The following DMD variants were observed in gnomAD, a reference collection of about 807,000 sequenced individuals.
The protein encoded by DMD is mutant dystrophin.
DMD carries 63 observed loss-of-function variants against 330.1 expected under a neutral mutation model. The ratio of observed to expected loss-of-function variants is 0.19; its 90% CI spans 0.16 to 0.24. The LOEUF (loss-of-function observed/expected upper bound fraction) is 0.24. DMD is among the 10% of genes least tolerant of loss of function. DMD has a pLI of 1.00. For missense variants in DMD, 3,344 were observed against 2,684.1 expected (o/e 1.25, Z -5.43); for synonymous variants, 1,223 against 959.8 (o/e 1.27, Z -5.07).
intron 22 of DMD, among the ~76,000 whole-genome samples, chrX:32,469,384 C>T (rs187941088): frequency 9.1e-6 from 1 of 109,356 alleles, no homozygotes; most frequent in Non-Finnish European, 1.9e-5. Context: ...GAAAAAAAAA[C>T]CAGAACTACT....
intron 45 of DMD, among the ~76,000 whole-genome samples, chrX:31,942,409 A>G (rs1243919426): frequency 1.8e-5 from 2 of 112,120 alleles, no homozygotes; most frequent in African/African-American, 6.5e-5. Flanking sequence ...CTTCTCTAAC[A>G]TGGTCAAAAA....
At chrX:32,961,058 A>G (rs760908633) in intron 2 of DMD, among the ~76,000 whole-genome samples, 5 of 111,647 alleles carry the variant, frequency 4.5e-5, no homozygotes, top group African/African-American at 1.6e-4. Context: ...TCTACAGACC[A>G]TGGAAGCATA....
chrX:32,730,128 T>C (rs780613147), intron 7 of DMD, among the ~76,000 whole-genome samples: 61 of 111,542 alleles, frequency 5.5e-4, no homozygotes, highest in Non-Finnish European at 4.0e-4. Flanking sequence ...AGGCCAGGAG[T>C]TTGAGACCAA....
chrX:32,868,994 G>C (rs1331588560), intron 2 of DMD, among the ~76,000 whole-genome samples: 1 of 111,417 alleles, frequency 9.0e-6, no homozygotes. Flanking sequence ...ATACAGGAAG[G>C]TTCCTGCTGG....
chrX:32,829,929 A>G (rs2079029498), intron 4 of DMD, among the ~76,000 whole-genome samples: 1 of 111,911 alleles, frequency 8.9e-6, no homozygotes, highest in Non-Finnish European at 1.9e-5. Flanking sequence ...CTCTCTCTCC[A>G]AGTTAATAAA....
At chrX:32,480,261 A>G (rs1263187826) in intron 21 of DMD, among the ~76,000 whole-genome samples, 2 of 112,070 alleles carry the variant, frequency 1.8e-5, no homozygotes, top group Admixed American at 9.5e-5. Context: ...GATGAAAGAT[A>G]AATGTTGGAG....
chrX:31,957,780 G>A (rs1279282902), intron 45 of DMD, among the ~76,000 whole-genome samples: 1 of 111,177 alleles, frequency 9.0e-6, no homozygotes, highest in Non-Finnish European at 1.9e-5. Context: ...ATTTTAAAGG[G>A]AACATGATAA....
chrX:31,522,363 C>CTCTCTCTCTCTCTCTATATATATATATA, intron 55 of DMD, among the ~76,000 whole-genome samples: 8 of 35,964 alleles, frequency 2.2e-4, no homozygotes, highest in African/African-American at 5.7e-4. Context: ...CTCTCTCTCT[C>CTCTCTCTCTCTCTCTATATATATATATA]TATATATATA....
intron 34 of DMD, 37 bp from the exon 35 acceptor site, chrX:32,365,236 T>A: frequency 8.4e-7 from 1 of 1,187,916 alleles, no homozygotes; most frequent in Non-Finnish European, 1.1e-6. Flanking sequence ...AAGTAATGTC[T>A]TGTAGTCTTA....
chrX:31,456,087 GC>G (rs1323195651), intron 59 of DMD, among the ~76,000 whole-genome samples: 1 of 108,872 alleles, frequency 9.2e-6, no homozygotes, highest in Non-Finnish European at 1.9e-5. Flanking sequence ...CTCTCTCCCT[GC>G]CTCCCTAATT....
At chrX:31,447,632 G>A (rs2065384023) in intron 59 of DMD, among the ~76,000 whole-genome samples, 1 of 111,440 alleles carries the variant, frequency 9.0e-6, no homozygotes, top group Non-Finnish European at 1.9e-5. Flanking sequence ...ATACTCTGGA[G>A]AGTTGCTTCA....
chrX:32,802,751 T>A (rs964101449), intron 7 of DMD, among the ~76,000 whole-genome samples: 1 of 112,126 alleles, frequency 8.9e-6, no homozygotes, highest in Admixed American at 9.4e-5. Flanking sequence ...TGTCATTGGT[T>A]CTGTTTATGT....
At chrX:31,153,021 C>T (rs753041938) in intron 74 of DMD, among the ~76,000 whole-genome samples, 68 of 111,996 alleles carry the variant, frequency 6.1e-4, no homozygotes, top group African/African-American at 2.1e-3. Flanking sequence ...TTTTTAAACT[C>T]ATTATCTCTC....
At chrX:32,800,950 T>C (rs752205475) in intron 7 of DMD, among the ~76,000 whole-genome samples, 18 of 111,760 alleles carry the variant, frequency 1.6e-4, no homozygotes, top group African/African-American at 5.9e-4. Flanking sequence ...CAGTCTATCA[T>C]TGATGGGCAT....
At chrX:32,024,486 CAA>C (rs71872956) in intron 44 of DMD, among the ~76,000 whole-genome samples, 840 of 61,580 alleles carry the variant, frequency 0.014, 7 homozygotes, top group African/African-American at 0.035. Context: ...AACTCCCTCT[CAA>C]AAAAAAAAAA....
intron 37 of DMD, among the ~76,000 whole-genome samples, chrX:32,350,428 T>C (rs969596586): frequency 3.0e-4 from 33 of 110,986 alleles, no homozygotes; most frequent in African/African-American, 1.0e-3. Flanking sequence ...CTTCCCTAGT[T>C]CTCTTAATGG....
chrX:33,038,093 C>T (rs1211699152), intron 1 of DMD, among the ~76,000 whole-genome samples: 2 of 112,142 alleles, frequency 1.8e-5, no homozygotes, highest in African/African-American at 3.2e-5. Context: ...TTATTTAAGG[C>T]TTCTATTGTT....
chrX:31,324,415 A>T (rs1481382130), intron 61 of DMD, among the ~76,000 whole-genome samples: 1 of 109,243 alleles, frequency 9.2e-6, no homozygotes, highest in Admixed American at 9.7e-5. Context: ...TTCAGGCTTA[A>T]GTTGTAGGAT....
At chrX:32,504,269 CATT>C (rs1387140272) in intron 18 of DMD, among the ~76,000 whole-genome samples, 1 of 111,988 alleles carries the variant, frequency 8.9e-6, no homozygotes, top group Admixed American at 9.5e-5. Context: ...AAATATCTGA[CATT>C]ATTGTGAATT....
Sources: gnomAD v4.1 joint callset for allele counts (sites outside exome capture counted in the v4.1 genomes callset) on GRCh38, gnomAD v4.1.1 for gene constraint, MANE v1.5 for transcripts, NCBI Gene and HGNC (gene_info 2026-07-23, HGNC 2026-07-21) for gene names.